Variants in SCAI observed in about 807,000 individuals in gnomAD.
The protein encoded by SCAI is protein SCAI.
Under a neutral mutation model 92.2 loss-of-function variants are expected in SCAI, and 24 were observed. That is an observed-to-expected ratio of 0.26 (90% CI 0.19 to 0.37). SCAI has a LOEUF of 0.37. Ranked by LOEUF, SCAI falls within the 10% of genes least tolerant of loss-of-function variation. SCAI has a pLI of 1.00. For synonymous variants in SCAI, 261 were observed against 258.6 expected (o/e 1.01, Z -0.09); for missense variants, 450 against 736.2 (o/e 0.61, Z 4.50).
intron 14 of SCAI, among the ~76,000 whole-genome samples, chr9:124,993,209 T>C (rs116223192): frequency 1.2e-3 from 181 of 152,384 alleles, no homozygotes; most frequent in African/African-American, 4.0e-3. Context: ...ATAAGTTTAA[T>C]TGGGGTAGCC....
At chr9:125,097,258 C>A (rs1201409222) in intron 2 of SCAI, among the ~76,000 whole-genome samples, 4 of 152,008 alleles carry the variant, frequency 2.6e-5, no homozygotes, top group Non-Finnish European at 2.9e-5. Context: ...CATGGTGAAA[C>A]CCTGTCTCTA....
At chr9:125,093,294 A>T (rs561451482) in intron 2 of SCAI, among the ~76,000 whole-genome samples, 25 of 151,934 alleles carry the variant, frequency 1.6e-4, no homozygotes, top group African/African-American at 5.8e-4. Flanking sequence ...CCAGGAGGGG[A>T]AGGCTGCAGT....
chr9:125,058,732 T>C (rs1833719123), intron 2 of SCAI, among the ~76,000 whole-genome samples: 1 of 152,078 alleles, frequency 6.6e-6, no homozygotes, highest in South Asian at 2.1e-4. Flanking sequence ...CATTCTCCAA[T>C]AAAAGGAACC....
chr9:124,998,808 A>G (rs1424045879), intron 13 of SCAI, among the ~76,000 whole-genome samples: 1 of 151,932 alleles, frequency 6.6e-6, no homozygotes, highest in Non-Finnish European at 1.5e-5. Context: ...TTTGGTAGAG[A>G]CAGGGTTTCA....
At position 125,129,454 on chromosome 9, in the gene SCAI, C is replaced by CTT. The variant is rs1171739834; in HGVS notation, c.98+13177_98+13178dup. Among the ~76,000 whole-genome samples, 52 of 67,574 alleles carry CTT rather than the reference C, an allele frequency of 7.7e-4. 2 individuals carry two copies. Among genetic ancestry groups the CTT allele is most frequent in the Non-Finnish European group, 1.1e-3 (43 of 37,764 alleles). The allele number at this position is 67,574 out of a possible 152,430, so 44.3% of individuals were successfully genotyped here. On this transcript the variant is annotated intron_variant, in intron 2 of 17. Coordinates refer to ENST00000336505, the MANE Select transcript of SCAI (RefSeq NM_001144877.3). ...AGAAGGAATGAAAGAATTAGAATTT[C>CTT]TTTTTTTTTTTTTTTTTTTTTTTTT...
chr9:125,056,930 C>G (rs533734681), intron 2 of SCAI, among the ~76,000 whole-genome samples: 1 of 152,192 alleles, frequency 6.6e-6, no homozygotes, highest in East Asian at 1.9e-4. Flanking sequence ...CACACACAGA[C>G]GTATATTAAA....
At chr9:125,039,074 A>G (rs1833260615) in intron 3 of SCAI, among the ~76,000 whole-genome samples, 1 of 152,082 alleles carries the variant, frequency 6.6e-6, no homozygotes, top group African/African-American at 2.4e-5. Context: ...CCCCTCTTAC[A>G]TTCGGCTTAA....
chr9:125,086,935 G>A lies in SCAI; in HGVS notation c.99-30928C>T, dbSNP rs72765269. On this transcript the variant is annotated intron_variant, in intron 2 of 17. Coordinates refer to ENST00000336505, the MANE Select transcript of SCAI (RefSeq NM_001144877.3). ...ATGTATGTAAAGTGTTTAGAAGAGA[G>A]TCTGGCATACATTAAATGTTATGTA... Among the ~76,000 whole-genome samples the A allele has an allele frequency of 4.6e-5, 7 of 152,290 alleles. 2 individuals are homozygous for A. The South Asian group carries it at 1.2e-3, about 27-fold the overall frequency.
chr9:125,002,130 G>A, intron 11 of SCAI, 87 bp from the exon 12 acceptor site: 2 of 943,536 alleles, frequency 2.1e-6, no homozygotes, highest in Non-Finnish European at 3.4e-6. Flanking sequence ...TCTTAAAGTT[G>A]TGAAATAAAT....
At chr9:124,989,014 C>G (rs935088011) in intron 14 of SCAI, among the ~76,000 whole-genome samples, 6 of 152,114 alleles carry the variant, frequency 3.9e-5, no homozygotes, top group Non-Finnish European at 5.9e-5. Context: ...TAGCGCATGC[C>G]TGTAATCCCA....
chr9:125,008,496 A>T lies in SCAI; in HGVS notation c.862-4926T>A, dbSNP rs547140686. On this transcript the variant is annotated intron_variant, in intron 9 of 17. Coordinates refer to ENST00000336505, the MANE Select transcript of SCAI (RefSeq NM_001144877.3). Reference sequence around the variant, plus strand: ...ATGCTGCCCAGGCTAGGAAAAAAAAATTTAATCTATAAAACAAGAATCAAA... The same window carrying T: ...ATGCTGCCCAGGCTAGGAAAAAAAATTTTAATCTATAAAACAAGAATCAAA... Among the ~76,000 whole-genome samples the T allele has an allele frequency of 3.3e-5, 5 of 152,316 alleles. No homozygotes were observed. In the East Asian group the frequency reaches 9.6e-4, roughly 29 times the overall value.
intron 2 of SCAI, among the ~76,000 whole-genome samples, chr9:125,076,374 C>T (rs1834090542): frequency 6.6e-6 from 1 of 151,954 alleles, no homozygotes; most frequent in Non-Finnish European, 1.5e-5. Context: ...TGGCACGCGC[C>T]TGTAATCCCA....
At chr9:125,008,749 T>C (rs1364012623) in intron 9 of SCAI, among the ~76,000 whole-genome samples, 3 of 152,116 alleles carry the variant, frequency 2.0e-5, no homozygotes, top group Non-Finnish European at 4.4e-5. Flanking sequence ...AACTGAGTCC[T>C]AGAAGTGGAG....
chr9:124,968,364 G>A, intron 17 of SCAI: 1 of 1,195,534 alleles, frequency 8.4e-7, no homozygotes, highest in Non-Finnish European at 1.2e-6. Context: ...AGTGAGCTCT[G>A]CAGCGAGCAC....
At chr9:125,103,069 G>A (rs1435593921) in intron 2 of SCAI, among the ~76,000 whole-genome samples, 2 of 152,014 alleles carry the variant, frequency 1.3e-5, no homozygotes, top group Non-Finnish European at 2.9e-5. Context: ...TCTCAAAGAT[G>A]AGGACCTCTT....
chr9:125,030,763 TG>T (rs1554782220), intron 3 of SCAI, among the ~76,000 whole-genome samples: 1 of 152,164 alleles, frequency 6.6e-6, no homozygotes, highest in Non-Finnish European at 1.5e-5. Context: ...ACAAAGAGGT[TG>T]GGAAACAGTA....
chr9:125,025,534 T>G (rs1588160216), intron 6 of SCAI, among the ~76,000 whole-genome samples: 1 of 152,262 alleles, frequency 6.6e-6, no homozygotes, highest in East Asian at 1.9e-4. Context: ...CTCTTTCGCA[T>G]TTTTTAAGAT....
At chr9:125,081,812 G>A (rs1394561642) in intron 2 of SCAI, among the ~76,000 whole-genome samples, 5 of 151,990 alleles carry the variant, frequency 3.3e-5, no homozygotes, top group Non-Finnish European at 5.9e-5. Context: ...CAGGCAATCC[G>A]CCCACCCCGG....
chr9:125,028,484 T>G lies in SCAI; in HGVS notation c.327-6A>C. ...ACCGATTATCCAAGACTTGTCTGTT[T>G]TATATAGGATACAAGAAAATAGAAA... On this transcript the variant is annotated splice_polypyrimidine_tract_variant and splice_region_variant and intron_variant, in intron 4 of 17. Transcript: ENST00000336505. The G allele has an allele frequency of 6.6e-7, 1 of 1,505,018 alleles. No homozygotes were observed. The highest frequency in any genetic ancestry group is 1.4e-5 in the African/African-American group (1 of 70,162). The allele number at this position is 1,505,018 out of a possible 1,614,324, so 93.2% of individuals were successfully genotyped here.
Sources: gnomAD v4.1 joint callset for allele counts (sites outside exome capture counted in the v4.1 genomes callset) on GRCh38, gnomAD v4.1.1 for gene constraint, MANE v1.5 for transcripts, NCBI Gene and HGNC (gene_info 2026-07-23, HGNC 2026-07-21) for gene names.